The following NPAS3 variants were observed in gnomAD, a reference collection of about 807,000 sequenced individuals.
The protein encoded by NPAS3 is neuronal PAS domain protein 3, also known as neuronal PAS domain-containing protein 3.
In NPAS3, 14 loss-of-function variants were observed where a neutral mutation model predicts 73.1. The observed-to-expected ratio is 0.19, with a 90% CI of 0.13 to 0.30. The LOEUF (loss-of-function observed/expected upper bound fraction) is 0.30, where lower values mean the gene tolerates loss of function less well. Among genes scored for constraint, NPAS3 ranks in the 10% least tolerant of loss-of-function variants. The pLI is 1.00. For missense variants in NPAS3, 1,096 were observed against 1,250.0 expected (o/e 0.88, Z 1.86); for synonymous variants, 620 against 541.5 (o/e 1.14, Z -2.01).
intron 3 of NPAS3, among the ~76,000 whole-genome samples, chr14:33,269,558 A>G (rs1500721): frequency 0.038 from 5,762 of 152,210 alleles, 261 homozygotes; most frequent in East Asian, 0.23. Context: ...TTATTGACCT[A>G]TATACTATTT....
chr14:33,597,696 G>A (rs1188812465), intron 5 of NPAS3, among the ~76,000 whole-genome samples: 1 of 152,200 alleles, frequency 6.6e-6, no homozygotes, highest in Non-Finnish European at 1.5e-5. Flanking sequence ...GGCACAGGGT[G>A]GAAGTATTGT....
intron 4 of NPAS3, among the ~76,000 whole-genome samples, chr14:33,372,208 C>T (rs1395393544): frequency 6.6e-6 from 1 of 152,122 alleles, no homozygotes; most frequent in South Asian, 2.1e-4. Flanking sequence ...TCCCTGCTAC[C>T]TGTGCCCCAG....
At chr14:33,260,772 T>A (rs767292461) in intron 3 of NPAS3, among the ~76,000 whole-genome samples, 3 of 152,202 alleles carry the variant, frequency 2.0e-5, no homozygotes, top group Non-Finnish European at 4.4e-5. Flanking sequence ...TCTTACAATC[T>A]GTATAAACAC....
chr14:33,061,717 G>A (rs907944509), intron 2 of NPAS3, among the ~76,000 whole-genome samples: 3 of 152,002 alleles, frequency 2.0e-5, no homozygotes, highest in Non-Finnish European at 2.9e-5. Context: ...TTTTCTACAC[G>A]AACTGTTCTA....
At chr14:33,290,632 C>T (rs557421315) in intron 3 of NPAS3, among the ~76,000 whole-genome samples, 1 of 152,232 alleles carries the variant, frequency 6.6e-6, no homozygotes, top group South Asian at 2.1e-4. Context: ...CAGGAAGCAA[C>T]AATAGTAACA....
chr14:33,703,628 A>C (rs1217066368), intron 6 of NPAS3, among the ~76,000 whole-genome samples: 1 of 152,134 alleles, frequency 6.6e-6, no homozygotes, highest in East Asian at 1.9e-4. Context: ...TAATGGTTAA[A>C]ATCTACAACT....
intron 6 of NPAS3, among the ~76,000 whole-genome samples, chr14:33,686,444 C>A (rs944089): frequency 0.015 from 2,309 of 152,242 alleles, 63 homozygotes; most frequent in African/African-American, 0.052. Flanking sequence ...TTAGAAGGAA[C>A]CTTCCTTGAG....
chr14:33,691,849 A>G (rs2060245032), intron 6 of NPAS3, among the ~76,000 whole-genome samples: 1 of 152,298 alleles, frequency 6.6e-6, no homozygotes, highest in East Asian at 1.9e-4. Flanking sequence ...AAAATAGATA[A>G]GAGCATTCAG....
At chr14:33,519,865 C>G (rs959008079) in intron 4 of NPAS3, among the ~76,000 whole-genome samples, 14 of 152,082 alleles carry the variant, frequency 9.2e-5, no homozygotes, top group Admixed American at 3.9e-4. Context: ...GGTGCCTTCC[C>G]TGAGCTGCAC....
chr14:33,364,375 A>G (rs2045740363), intron 3 of NPAS3, among the ~76,000 whole-genome samples: 1 of 152,212 alleles, frequency 6.6e-6, no homozygotes, highest in Admixed American at 6.5e-5. Context: ...TACATTTTTA[A>G]CATCTATTCA....
intron 2 of NPAS3, among the ~76,000 whole-genome samples, chr14:33,178,057 G>A (rs1388934377): frequency 1.3e-5 from 2 of 150,302 alleles, no homozygotes; most frequent in African/African-American, 2.4e-5. Flanking sequence ...AATTTTGATA[G>A]GCATTGAAGT....
intron 6 of NPAS3, among the ~76,000 whole-genome samples, chr14:33,688,535 C>A (rs1233848191): frequency 6.6e-6 from 1 of 152,094 alleles, no homozygotes; most frequent in Non-Finnish European, 1.5e-5. Flanking sequence ...AGCAGAGTCA[C>A]AGATGGGCCA....
chr14:33,434,345 G>A (rs1406730191), intron 4 of NPAS3, among the ~76,000 whole-genome samples: 1 of 151,990 alleles, frequency 6.6e-6, no homozygotes, highest in African/African-American at 2.4e-5. Context: ...TGGGCAATAT[G>A]GTGAGACCCC....
Position 33,539,212 on chromosome 14 carries a change from T to G in NPAS3, c.469-20909T>G, listed in dbSNP as rs1000267518. On this transcript the variant is annotated intron_variant, in intron 4 of 11. Transcript: ENST00000356141. ...AGAGATGCCAACCTTGCTGCTCTGC[T>G]GGGTCTACTTTTCACTGAAGGAAGA... is the stretch of plus-strand genomic sequence containing the variant. Among the ~76,000 whole-genome samples the G allele has an allele frequency of 1.3e-4, 20 of 152,112 alleles. 1 individual carries two copies. The highest frequency in any genetic ancestry group is 4.3e-4 in the African/African-American group (18 of 41,426).
chr14:33,172,391 C>T (rs190805836), intron 2 of NPAS3, among the ~76,000 whole-genome samples: 4 of 152,268 alleles, frequency 2.6e-5, no homozygotes, highest in Admixed American at 2.6e-4. Context: ...ATGTAGCAAA[C>T]ATTCAAAAGC....
chr14:33,421,434 G>A (rs1474553937), intron 4 of NPAS3, among the ~76,000 whole-genome samples: 2 of 151,808 alleles, frequency 1.3e-5, no homozygotes, highest in Non-Finnish European at 2.9e-5. Flanking sequence ...AGAAAGGAAA[G>A]GCAATTGTTC....
At chr14:33,079,664 T>G (rs2041801296) in intron 2 of NPAS3, among the ~76,000 whole-genome samples, 1 of 128,930 alleles carries the variant, frequency 7.8e-6, no homozygotes, top group Non-Finnish European at 1.5e-5. Context: ...CAGGCTGGAG[T>G]GCAGTGGTGC....
chr14:33,689,543 A>G (rs2060177350), intron 6 of NPAS3, among the ~76,000 whole-genome samples: 1 of 152,196 alleles, frequency 6.6e-6, no homozygotes, highest in African/African-American at 2.4e-5. Context: ...TACCTCACTT[A>G]AAGGGTCCAA....
chr14:33,351,473 T>C (rs1350153646), intron 3 of NPAS3, among the ~76,000 whole-genome samples: 1 of 152,248 alleles, frequency 6.6e-6, no homozygotes, highest in African/African-American at 2.4e-5. Context: ...CATTAGGCAG[T>C]CATAATTTAA....
Sources: allele counts gnomAD v4.1 joint callset (sites outside exome capture counted in the v4.1 genomes callset), GRCh38; gene constraint gnomAD v4.1.1; transcripts MANE v1.5; gene names NCBI Gene and HGNC (gene_info 2026-07-23, HGNC 2026-07-21).